SLC39A11: variants seen among roughly 807,000 people sequenced by gnomAD.
SLC39A11 encodes zinc transporter ZIP11.
Under a neutral mutation model 36.1 loss-of-function variants are expected in SLC39A11, and 33 were observed. The ratio of observed to expected loss-of-function variants is 0.91; its 90% confidence interval spans 0.69 to 1.22. The LOEUF is 1.22. Ranked by LOEUF, SLC39A11 falls within the 50% of genes most tolerant of loss-of-function variation. SLC39A11 has a pLI of 0.00. For synonymous variants in SLC39A11, 166 were observed against 170.3 expected, an observed-to-expected ratio of 0.97 and a Z score of 0.20; for missense variants, 432 against 430.3, an observed-to-expected ratio of 1.00 and a Z score of -0.03.
intron 7 of SLC39A11, among the ~76,000 whole-genome samples, chr17:72,670,208 CACACATAT>C (rs756723794): frequency 0.032 from 2,844 of 89,202 alleles, 28 homozygotes; most frequent in African/African-American, 0.044. Context: ...CACACACACA[CACACATAT>C]ATATATATGC....
intron 7 of SLC39A11, among the ~76,000 whole-genome samples, chr17:72,650,173 C>T (rs542632868): frequency 3.7e-4 from 56 of 152,352 alleles, no homozygotes; most frequent in African/African-American, 1.3e-3. Context: ...CTGGCACCAT[C>T]GCTGCATTTC....
intron 7 of SLC39A11, among the ~76,000 whole-genome samples, chr17:72,659,681 C>G (rs999767929): frequency 2.4e-4 from 34 of 142,950 alleles, no homozygotes; most frequent in African/African-American, 8.7e-4. Flanking sequence ...CTCCCGGGTT[C>G]AAGCAATTCT....
intron 5 of SLC39A11, among the ~76,000 whole-genome samples, chr17:72,914,970 GC>G (rs561459386): frequency 2.0e-4 from 30 of 147,952 alleles, no homozygotes; most frequent in African/African-American, 6.5e-4. Flanking sequence ...CCCTGTTTCT[GC>G]TTTAGTGGCA....
At chr17:73,088,796 G>C in intron 1 of SLC39A11, 21 bp from the exon 2 acceptor site, 2 of 1,547,092 alleles carry the variant, frequency 1.3e-6, no homozygotes, top group Non-Finnish European at 1.8e-6. Flanking sequence ...GGAGCGAGAG[G>C]GTCAGCCACC....
At chr17:72,995,465 C>A (rs2089449564) in intron 4 of SLC39A11, among the ~76,000 whole-genome samples, 1 of 152,198 alleles carries the variant, frequency 6.6e-6, no homozygotes, top group African/African-American at 2.4e-5. Flanking sequence ...AGATAGCTGA[C>A]AAAATACTAT....
At chr17:72,724,712 G>A (rs544049615) in intron 7 of SLC39A11, among the ~76,000 whole-genome samples, 1 of 152,002 alleles carries the variant, frequency 6.6e-6, no homozygotes, top group East Asian at 1.9e-4. Context: ...GGGATTTTCT[G>A]CCAAGTGCAG....
chr17:72,820,522 G>A (rs1306865353), intron 6 of SLC39A11, among the ~76,000 whole-genome samples: 13 of 150,934 alleles, frequency 8.6e-5, no homozygotes, highest in South Asian at 4.2e-4. Context: ...CTGCCACCGC[G>A]GATCTATTAC....
chr17:72,670,311 C>G (rs1238965729), intron 7 of SLC39A11, among the ~76,000 whole-genome samples: 1 of 150,384 alleles, frequency 6.6e-6, no homozygotes, highest in Non-Finnish European at 1.5e-5. Context: ...GTCAGGGCTA[C>G]AGTGAGTTGT....
intron 6 of SLC39A11, among the ~76,000 whole-genome samples, chr17:72,765,411 G>A (rs1008099912): frequency 2.0e-5 from 3 of 152,098 alleles, no homozygotes; most frequent in Non-Finnish European, 4.4e-5. Context: ...CCAAATTATT[G>A]GAAAGGCTGA....
intron 4 of SLC39A11, among the ~76,000 whole-genome samples, chr17:73,023,157 G>T (rs970356300): frequency 6.6e-6 from 1 of 151,978 alleles, no homozygotes; most frequent in South Asian, 2.1e-4. Context: ...GCGACCACTG[G>T]TTCAGAACGC....
At chr17:72,798,425 T>G (rs1279640794) in intron 6 of SLC39A11, among the ~76,000 whole-genome samples, 1 of 150,082 alleles carries the variant, frequency 6.7e-6, no homozygotes, top group Non-Finnish European at 1.5e-5. Flanking sequence ...TTTCTTTTTT[T>G]TTTTTTGAGA....
At chr17:72,975,207 G>A (rs569940649) in intron 4 of SLC39A11, among the ~76,000 whole-genome samples, 1 of 152,164 alleles carries the variant, frequency 6.6e-6, no homozygotes, top group East Asian at 1.9e-4. Flanking sequence ...GGGAGGCCAA[G>A]GCACATGGAT....
chr17:73,043,514 G>C (rs996769028), intron 3 of SLC39A11, among the ~76,000 whole-genome samples: 8 of 152,188 alleles, frequency 5.3e-5, no homozygotes, highest in African/African-American at 1.9e-4. Flanking sequence ...ACGTGATGCT[G>C]CAGCAGCTTA....
intron 6 of SLC39A11, among the ~76,000 whole-genome samples, chr17:72,771,857 T>C (rs537132237): frequency 6.6e-6 from 1 of 152,122 alleles, no homozygotes; most frequent in African/African-American, 2.4e-5. Flanking sequence ...GCAAAAGAAA[T>C]GGAGATGGTG....
chr17:73,078,686 G>A (rs530702352), intron 3 of SLC39A11, among the ~76,000 whole-genome samples: 5 of 151,946 alleles, frequency 3.3e-5, no homozygotes, highest in South Asian at 2.1e-4. Flanking sequence ...TAATAGAGAC[G>A]GGGTTTCGCC....
intron 7 of SLC39A11, among the ~76,000 whole-genome samples, chr17:72,712,279 C>G (rs1472082176): frequency 6.6e-6 from 1 of 152,206 alleles, no homozygotes; most frequent in Non-Finnish European, 1.5e-5. Flanking sequence ...CTGCCTGTGG[C>G]AGGGCCTGCC....
intron 4 of SLC39A11, among the ~76,000 whole-genome samples, chr17:72,965,410 G>A (rs964162173): frequency 6.6e-6 from 1 of 152,156 alleles, no homozygotes; most frequent in Admixed American, 6.5e-5. Flanking sequence ...AAAGTGATAT[G>A]CATTCAATAG....
intron 4 of SLC39A11, among the ~76,000 whole-genome samples, chr17:72,958,157 A>G (rs1011486782): frequency 1.3e-5 from 2 of 152,226 alleles, no homozygotes; most frequent in Non-Finnish European, 2.9e-5. Context: ...ATAATTGGCT[A>G]AGCACATATA....
chr17:72,875,242 T>G lies in SLC39A11; in HGVS notation c.431-25438A>C, dbSNP rs1393406266. Among the ~76,000 whole-genome samples, 3 of 152,256 alleles carry G rather than the reference T, an allele frequency of 2.0e-5. No individual in the cohort carries two copies. In the East Asian group the frequency reaches 5.8e-4, roughly 29 times the overall value. On this transcript the variant is annotated intron_variant, in intron 5 of 9. Coordinates refer to ENST00000255559, the MANE Select transcript of SLC39A11 (RefSeq NM_139177.4). The stretch of plus-strand genomic sequence containing the variant: ...ACATTAACACTGTAAATATTCCAAT[T>G]AATTCATCATTATTGAATTTGCCAG...
Sources: gnomAD v4.1 joint callset for allele counts (sites outside exome capture counted in the v4.1 genomes callset) on GRCh38, gnomAD v4.1.1 for gene constraint, MANE v1.5 for transcripts, NCBI Gene and HGNC (gene_info 2026-07-23, HGNC 2026-07-21) for gene names.